The following NKAIN3 variants were observed in gnomAD, a reference collection of about 807,000 sequenced individuals.
NKAIN3 encodes the protein sodium/potassium transporting ATPase interacting 3.
In NKAIN3, 25 loss-of-function variants were observed where a neutral mutation model predicts 30.2. That is an observed-to-expected ratio of 0.83 (90% CI 0.60 to 1.16). NKAIN3 has a LOEUF of 1.16. NKAIN3 is among the 50% of genes most tolerant of loss of function. The pLI is 0.00. For synonymous variants in NKAIN3, 91 were observed against 89.6 expected, an observed-to-expected ratio of 1.02 and a Z score of -0.09; for missense variants, 225 against 254.1, an observed-to-expected ratio of 0.89 and a Z score of 0.78.
chr8:62,626,492 G>A (rs931644386), intron 3 of NKAIN3, among the ~76,000 whole-genome samples: 1 of 152,066 alleles, frequency 6.6e-6, no homozygotes, highest in African/African-American at 2.4e-5. Context: ...ATTTATTCCA[G>A]AAGTCCTATT....
intron 1 of NKAIN3, among the ~76,000 whole-genome samples, chr8:62,577,577 T>A (rs1478999719): frequency 6.7e-6 from 1 of 149,696 alleles, no homozygotes; most frequent in Non-Finnish European, 1.5e-5. Flanking sequence ...TGTTTGGACA[T>A]TTAAAAAATA....
At chr8:62,816,328 C>G (rs748213558) in intron 4 of NKAIN3, among the ~76,000 whole-genome samples, 5 of 152,178 alleles carry the variant, frequency 3.3e-5, no homozygotes, top group Middle Eastern at 3.4e-3. Context: ...GTCTCCATGG[C>G]CTAGGCTGTG....
At chr8:62,746,720 C>T (rs986239059) in intron 3 of NKAIN3, among the ~76,000 whole-genome samples, 1 of 152,078 alleles carries the variant, frequency 6.6e-6, no homozygotes, top group Non-Finnish European at 1.5e-5. Flanking sequence ...TAATAGTAAT[C>T]AAAGGATTAT....
intron 2 of NKAIN3, among the ~76,000 whole-genome samples, chr8:62,586,986 AC>A (rs1187337288): frequency 6.6e-6 from 1 of 152,026 alleles, no homozygotes; most frequent in Non-Finnish European, 1.5e-5. Flanking sequence ...CTTTATAATA[AC>A]CAAAGGGTAT....
chr8:62,646,873 A>G (rs1421257239), intron 3 of NKAIN3, among the ~76,000 whole-genome samples: 1 of 152,204 alleles, frequency 6.6e-6, no homozygotes, highest in Admixed American at 6.5e-5. Context: ...ATAGACAATC[A>G]TGGAAAGAAA....
chr8:62,902,863 A>T (rs1015263042), intron 4 of NKAIN3, among the ~76,000 whole-genome samples: 2 of 152,204 alleles, frequency 1.3e-5, no homozygotes, highest in African/African-American at 4.8e-5. Context: ...CTTTACAAAA[A>T]AATCTTAGGC....
chr8:62,840,424 CAA>C (rs35484656), intron 4 of NKAIN3, among the ~76,000 whole-genome samples: 12,180 of 142,806 alleles, frequency 0.085, 543 homozygotes, highest in South Asian at 0.14. Context: ...TGGAGGGTCA[CAA>C]AAAAAAAAAA....
chr8:62,401,651 C>G lies in NKAIN3; in HGVS notation c.54+152524C>G, dbSNP rs377397752. Among the ~76,000 whole-genome samples the G allele has an allele frequency of 2.0e-5, 3 of 152,242 alleles. No individual in the cohort carries two copies. In the East Asian group the frequency reaches 5.8e-4, roughly 29 times the overall value. ...AGGCATATCTGCATTAGGAGGAACC[C>G]CACGCCCAGTAACTCGAAGGATCTT... On this transcript the variant is annotated intron_variant, in intron 1 of 6. Coordinates refer to ENST00000623646, the MANE Select transcript of NKAIN3 (RefSeq NM_001304533.3).
chr8:62,630,623 C>T (rs1364211754), intron 3 of NKAIN3, among the ~76,000 whole-genome samples: 1 of 152,136 alleles, frequency 6.6e-6, no homozygotes, highest in Non-Finnish European at 1.5e-5. Context: ...TACTCCAGTT[C>T]TTCCATCTTG....
intron 1 of NKAIN3, among the ~76,000 whole-genome samples, chr8:62,500,830 C>T (rs776011011): frequency 9.9e-5 from 15 of 152,082 alleles, no homozygotes; most frequent in Non-Finnish European, 1.9e-4. Flanking sequence ...TTTTGTTCCT[C>T]CTATGGAGTC....
At chr8:62,855,702 A>G in intron 4 of NKAIN3, 2 of 1,592,388 alleles carry the variant, frequency 1.3e-6, no homozygotes, top group African/African-American at 1.3e-5. Flanking sequence ...CTGCATGTGA[A>G]GCGGAGCTTC....
At chr8:62,485,517 A>C (rs1023581927) in intron 1 of NKAIN3, among the ~76,000 whole-genome samples, 3 of 152,142 alleles carry the variant, frequency 2.0e-5, no homozygotes, top group African/African-American at 7.2e-5. Context: ...ATAGAGCTTA[A>C]ATTATATGTA....
At chr8:62,799,388 A>C (rs1233086989) in intron 4 of NKAIN3, among the ~76,000 whole-genome samples, 1 of 152,250 alleles carries the variant, frequency 6.6e-6, no homozygotes, top group African/African-American at 2.4e-5. Context: ...GGCTAAGGGC[A>C]TGAATAGATC....
chr8:62,582,836 CAT>C (rs1810348597), intron 2 of NKAIN3, among the ~76,000 whole-genome samples: 1 of 36,418 alleles, frequency 2.7e-5, no homozygotes, highest in Non-Finnish European at 8.5e-5. Flanking sequence ...GGAATGAGAT[CAT>C]CAGTGGGGCA....
At chr8:62,751,006 G>T (rs114568090) in intron 4 of NKAIN3, among the ~76,000 whole-genome samples, 3 of 152,148 alleles carry the variant, frequency 2.0e-5, no homozygotes, top group East Asian at 3.9e-4. Context: ...ATCACAAAGC[G>T]CAAATCTTAT....
chr8:62,741,297 A>G (rs1478882129), intron 3 of NKAIN3, among the ~76,000 whole-genome samples: 1 of 151,882 alleles, frequency 6.6e-6, no homozygotes, highest in Admixed American at 6.6e-5. Context: ...GTTAAAGAGG[A>G]AGTGGGAAGG....
At chr8:62,284,882 G>T (rs766666002) in intron 1 of NKAIN3, among the ~76,000 whole-genome samples, 1 of 152,146 alleles carries the variant, frequency 6.6e-6, no homozygotes, top group Non-Finnish European at 1.5e-5. Context: ...TTCCTCAAGG[G>T]CATCTGAGTT....
In NKAIN3 at chr8:62,327,761, G is replaced by A. The variant is rs551562887; in HGVS notation, c.54+78634G>A. On this transcript the variant is annotated intron_variant, in intron 1 of 6. Transcript: ENST00000623646. ...GTTCTTTTTTTATCGCGATTGTTTC[G>A]GCTACTTCATGCCCCTGAGATTCCA... Among the ~76,000 whole-genome samples the A allele has an allele frequency of 1.8e-4, 28 of 151,460 alleles. No individual in the cohort carries two copies. The South Asian group carries it at 2.9e-3, about 16-fold the overall frequency.
intron 4 of NKAIN3, among the ~76,000 whole-genome samples, chr8:62,908,124 G>A (rs1437415598): frequency 1.3e-5 from 2 of 152,208 alleles, no homozygotes; most frequent in African/African-American, 4.8e-5. Flanking sequence ...CCGGATGTGA[G>A]ACATGGAGTC....
Sources: gnomAD v4.1 joint callset for allele counts (sites outside exome capture counted in the v4.1 genomes callset) on GRCh38, gnomAD v4.1.1 for gene constraint, MANE v1.5 for transcripts, NCBI Gene and HGNC (gene_info 2026-07-23, HGNC 2026-07-21) for gene names.